ADAMTSL1: variants seen among roughly 807,000 people sequenced by gnomAD.
ADAMTSL1 encodes ADAMTS-like protein 1.
Under a neutral mutation model 201.8 loss-of-function variants are expected in ADAMTSL1, and 126 were observed. The observed-to-expected ratio is 0.62, with a 90% CI of 0.54 to 0.72. The LOEUF (loss-of-function observed/expected upper bound fraction) is 0.72, where lower values mean the gene tolerates loss of function less well. Ranked by LOEUF, ADAMTSL1 falls within the 30% of genes least tolerant of loss-of-function variation. The pLI is 0.00. For synonymous variants in ADAMTSL1, 1,121 were observed against 903.4 expected (o/e 1.24, Z -4.32); for missense variants, 2,679 against 2,277.8 (o/e 1.18, Z -3.59).
Position 18,529,439 on chromosome 9 carries a change from G to A in ADAMTSL1, c.192-3808G>A, listed in dbSNP as rs118014989. ...TTTGATAGACTTAGGAGTTAGTCACGCCTAGATTCCAATCCCTGGTTCACT... is the reference window on the plus strand; with the variant it reads ...TTTGATAGACTTAGGAGTTAGTCACACCTAGATTCCAATCCCTGGTTCACT... On this transcript the variant is annotated intron_variant, in intron 2 of 28. Coordinates refer to ENST00000380548, the MANE Select transcript of ADAMTSL1 (RefSeq NM_001040272.6). Among the ~76,000 whole-genome samples, 941 of 152,180 alleles carry A rather than the reference G, an allele frequency of 6.2e-3. 6 individuals carry two copies. Among genetic ancestry groups the A allele is most frequent in the Non-Finnish European group, 9.8e-3 (668 of 67,994 alleles).
chr9:18,010,409 A>G (rs1417465985), intron 1 of ADAMTSL1, among the ~76,000 whole-genome samples: 1 of 152,038 alleles, frequency 6.6e-6, no homozygotes, highest in African/African-American at 2.4e-5. Context: ...GAACTATTTT[A>G]TGGAAAAGGA....
At chr9:18,908,133 A>T (rs1323325711) in intron 28 of ADAMTSL1, 3 of 393,906 alleles carry the variant, frequency 7.6e-6, no homozygotes, top group Non-Finnish European at 1.4e-5. Flanking sequence ...AGGTAATCCC[A>T]AGAAGATAGA....
chr9:17,927,348 A>G (rs1414871714), intron 1 of ADAMTSL1, among the ~76,000 whole-genome samples: 1 of 152,204 alleles, frequency 6.6e-6, no homozygotes, highest in East Asian at 1.9e-4. Context: ...ACATATATGT[A>G]CATGTACATA....
intron 1 of ADAMTSL1, among the ~76,000 whole-genome samples, chr9:18,082,181 C>A (rs1303212005): frequency 2.0e-5 from 3 of 152,070 alleles, no homozygotes; most frequent in South Asian, 2.1e-4. Context: ...AAAGGCGGAA[C>A]AATAGCTTTA....
chr9:18,282,168 G>T (rs1237083256), intron 2 of ADAMTSL1, among the ~76,000 whole-genome samples: 1 of 152,044 alleles, frequency 6.6e-6, no homozygotes, highest in Non-Finnish European at 1.5e-5. Flanking sequence ...ACCCATTGTT[G>T]GTTCTCTGTT....
At chr9:18,731,399 G>A (rs1025690469) in intron 15 of ADAMTSL1, among the ~76,000 whole-genome samples, 1 of 152,164 alleles carries the variant, frequency 6.6e-6, no homozygotes, top group African/African-American at 2.4e-5. Context: ...GGGAGACTGA[G>A]GTGGGAGGAT....
intron 2 of ADAMTSL1, among the ~76,000 whole-genome samples, chr9:18,307,855 T>A (rs1267057889): frequency 1.3e-5 from 2 of 152,168 alleles, no homozygotes; most frequent in African/African-American, 2.4e-5. Flanking sequence ...CTAATAGACA[T>A]CTATAGGACT....
At chr9:18,180,632 A>C (rs1331169548) in intron 2 of ADAMTSL1, among the ~76,000 whole-genome samples, 2 of 152,252 alleles carry the variant, frequency 1.3e-5, no homozygotes, top group Admixed American at 6.5e-5. Flanking sequence ...AAGGAAATAA[A>C]AGAGGATACA....
At chr9:18,784,825 G>C (rs1326650878) in intron 19 of ADAMTSL1, among the ~76,000 whole-genome samples, 1 of 152,156 alleles carries the variant, frequency 6.6e-6, no homozygotes, top group Non-Finnish European at 1.5e-5. Context: ...TGGAGTTGAA[G>C]CACGGAGATG....
At chr9:18,301,027 T>C (rs1050887299) in intron 2 of ADAMTSL1, among the ~76,000 whole-genome samples, 2 of 152,172 alleles carry the variant, frequency 1.3e-5, no homozygotes, top group African/African-American at 2.4e-5. Flanking sequence ...AAAAATGTAA[T>C]TGAGTCACTA....
intron 2 of ADAMTSL1, among the ~76,000 whole-genome samples, chr9:18,526,460 T>C (rs1250026854): frequency 1.3e-5 from 2 of 152,210 alleles, no homozygotes; most frequent in African/African-American, 4.8e-5. Context: ...TATTGTTATG[T>C]GTGAATTTGA....
intron 1 of ADAMTSL1, among the ~76,000 whole-genome samples, chr9:18,111,199 A>G (rs1024772496): frequency 6.6e-6 from 1 of 152,204 alleles, no homozygotes; most frequent in African/African-American, 2.4e-5. Context: ...TGTCTATGCT[A>G]TCTTCCCAAT....
intron 2 of ADAMTSL1, among the ~76,000 whole-genome samples, chr9:18,435,262 A>G (rs979691649): frequency 6.6e-6 from 1 of 152,218 alleles, no homozygotes; most frequent in Non-Finnish European, 1.5e-5. Flanking sequence ...CTCTGTCACT[A>G]TAGAATTTAT....
intron 1 of ADAMTSL1, among the ~76,000 whole-genome samples, chr9:17,950,482 T>G (rs536486947): frequency 4.0e-5 from 6 of 151,872 alleles, no homozygotes; most frequent in Non-Finnish European, 7.4e-5. Context: ...CTTTTTATAC[T>G]TTTATCAAAT....
chr9:18,361,131 G>A (rs1017659283), intron 2 of ADAMTSL1, among the ~76,000 whole-genome samples: 1 of 151,818 alleles, frequency 6.6e-6, no homozygotes, highest in African/African-American at 2.4e-5. Context: ...TTGTACTGTC[G>A]ACAGGTTTAC....
chr9:18,703,705 T>C (rs866377392), intron 13 of ADAMTSL1, among the ~76,000 whole-genome samples: 7 of 67,316 alleles, frequency 1.0e-4, no homozygotes, highest in African/African-American at 3.4e-4. Flanking sequence ...CACATACATA[T>C]ATATATATAT....
At chr9:18,460,422 G>A (rs932991582) in intron 2 of ADAMTSL1, among the ~76,000 whole-genome samples, 2 of 152,080 alleles carry the variant, frequency 1.3e-5, no homozygotes, top group African/African-American at 4.8e-5. Context: ...CCCTAACCAA[G>A]GGGGACTATC....
chr9:18,340,607 G>T (rs2132961324), intron 2 of ADAMTSL1, among the ~76,000 whole-genome samples: 1 of 152,256 alleles, frequency 6.6e-6, no homozygotes, highest in South Asian at 2.1e-4. Flanking sequence ...ATCTCCATGT[G>T]TTGTGGGAGG....
At chr9:18,464,596 T>C (rs1820930439) in intron 2 of ADAMTSL1, among the ~76,000 whole-genome samples, 1 of 152,200 alleles carries the variant, frequency 6.6e-6, no homozygotes, top group African/African-American at 2.4e-5. Flanking sequence ...GTTATGACAG[T>C]CAACAAAAAT....
Sources: gnomAD v4.1 joint callset for allele counts (sites outside exome capture counted in the v4.1 genomes callset) on GRCh38, gnomAD v4.1.1 for gene constraint, MANE v1.5 for transcripts, NCBI Gene and HGNC (gene_info 2026-07-23, HGNC 2026-07-21) for gene names.